EYS: variants seen among roughly 807,000 people sequenced by gnomAD.
EYS encodes the protein protein eyes shut homolog.
EYS carries 250 observed loss-of-function variants against 282.1 expected under a neutral mutation model. The ratio of observed to expected loss-of-function variants is 0.89; its 90% CI spans 0.80 to 0.98. The LOEUF (loss-of-function observed/expected upper bound fraction) is 0.98. Ranked by LOEUF, EYS falls within the 50% of genes least tolerant of loss-of-function variation. EYS has a pLI of 0.00. For missense variants in EYS, 4,016 were observed against 3,709.0 expected (o/e 1.08, Z -2.15); for synonymous variants, 1,355 against 1,282.9 (o/e 1.06, Z -1.20).
intron 29 of EYS, among the ~76,000 whole-genome samples, chr6:64,333,208 C>A (rs1370972738): frequency 3.3e-5 from 5 of 152,088 alleles, no homozygotes; most frequent in Admixed American, 2.6e-4. Flanking sequence ...GGTTTGAAGT[C>A]CAAATTGGTG....
At chr6:63,784,009 T>TCTTCCTGC (rs1770303715) in intron 39 of EYS, among the ~76,000 whole-genome samples, 1 of 152,212 alleles carries the variant, frequency 6.6e-6, no homozygotes, top group African/African-American at 2.4e-5. Flanking sequence ...AAGAGGGAAT[T>TCTTCCTGC]CTTCCTGCCT....
intron 35 of EYS, among the ~76,000 whole-genome samples, chr6:63,927,776 A>T (rs1764760829): frequency 6.6e-6 from 1 of 152,240 alleles, no homozygotes; most frequent in Non-Finnish European, 1.5e-5. Context: ...GACGCTGGGC[A>T]GCGGATACTT....
intron 2 of EYS, among the ~76,000 whole-genome samples, chr6:65,563,524 G>A (rs993604338): frequency 1.4e-4 from 22 of 151,758 alleles, no homozygotes; most frequent in Non-Finnish European, 2.9e-4. Context: ...TATCTCTTCG[G>A]AAATATATAA....
intron 14 of EYS, among the ~76,000 whole-genome samples, chr6:64,968,624 C>T (rs574379123): frequency 6.6e-6 from 1 of 152,112 alleles, no homozygotes; most frequent in South Asian, 2.1e-4. Context: ...TTACCTAGGA[C>T]CCTCAATTTG....
chr6:64,668,918 T>C (rs1430781623), intron 22 of EYS, among the ~76,000 whole-genome samples: 1 of 152,234 alleles, frequency 6.6e-6, no homozygotes, highest in East Asian at 1.9e-4. Context: ...CCATCATTTT[T>C]CCCAATTTAT....
intron 26 of EYS, among the ~76,000 whole-genome samples, chr6:64,545,194 T>C (rs1459548714): frequency 6.6e-6 from 1 of 152,270 alleles, no homozygotes; most frequent in South Asian, 2.1e-4. Flanking sequence ...GCTTCATCCC[T>C]GGGATGCAAG....
intron 35 of EYS, among the ~76,000 whole-genome samples, chr6:63,873,762 G>A (rs1772882246): frequency 2.0e-5 from 3 of 152,158 alleles, no homozygotes; most frequent in African/African-American, 4.8e-5. Context: ...CAGTGATGAT[G>A]AGCATTTTTT....
At chr6:65,502,136 A>G (rs1055996237) in intron 2 of EYS, among the ~76,000 whole-genome samples, 1 of 151,754 alleles carries the variant, frequency 6.6e-6, no homozygotes, top group African/African-American at 2.4e-5. Flanking sequence ...GCTTAAGTAT[A>G]TAAAAGTCAA....
At chr6:64,203,940 C>A (rs1765546323) in intron 31 of EYS, among the ~76,000 whole-genome samples, 1 of 152,110 alleles carries the variant, frequency 6.6e-6, no homozygotes, top group Non-Finnish European at 1.5e-5. Flanking sequence ...CCAATAATTA[C>A]AACTATCATT....
At chr6:64,433,832 A>G (rs12174632) in intron 28 of EYS, among the ~76,000 whole-genome samples, 42,082 of 151,882 alleles carry the variant, frequency 0.28, 5,956 homozygotes, top group East Asian at 0.46. Context: ...ATGTTTAGTA[A>G]AAACAATGAT....
chr6:64,677,881 G>A (rs1409238659), intron 22 of EYS, among the ~76,000 whole-genome samples: 1 of 151,402 alleles, frequency 6.6e-6, no homozygotes, highest in East Asian at 1.9e-4. Context: ...CTAAGAACAA[G>A]GAGTTGATAT....
chr6:63,756,022 A>T (rs1769471989), intron 41 of EYS, among the ~76,000 whole-genome samples: 1 of 152,078 alleles, frequency 6.6e-6, no homozygotes, highest in Admixed American at 6.6e-5. Flanking sequence ...GCTTAAGGAG[A>T]TTTTGGGCTG....
At chr6:64,529,029 T>C (rs765388316) in intron 26 of EYS, among the ~76,000 whole-genome samples, 34 of 152,074 alleles carry the variant, frequency 2.2e-4, no homozygotes, top group Non-Finnish European at 4.3e-4. Flanking sequence ...TTTTTGAATC[T>C]ATTAGATCCT....
intron 26 of EYS, among the ~76,000 whole-genome samples, chr6:64,514,280 G>T (rs1777496056): frequency 6.6e-6 from 1 of 151,808 alleles, no homozygotes; most frequent in Admixed American, 6.6e-5. Context: ...CAAGATGTCA[G>T]AAGATAGAAA....
At chr6:64,663,620 TA>T (rs1321931081) in intron 22 of EYS, among the ~76,000 whole-genome samples, 9 of 152,130 alleles carry the variant, frequency 5.9e-5, no homozygotes, top group Non-Finnish European at 1.2e-4. Flanking sequence ...CTCTCATGAG[TA>T]TTTAATTGCT....
intron 29 of EYS, among the ~76,000 whole-genome samples, chr6:64,330,669 T>A (rs1479312999): frequency 6.6e-6 from 1 of 152,180 alleles, no homozygotes; most frequent in African/African-American, 2.4e-5. Context: ...CACTGCCCTG[T>A]TAGCGCAAGA....
chr6:63,931,310 TC>T, intron 35 of EYS, among the ~76,000 whole-genome samples: 1 of 152,160 alleles, frequency 6.6e-6, no homozygotes, highest in East Asian at 1.9e-4. Flanking sequence ...TGTTACTCAC[TC>T]ACTCACTCAC....
chr6:65,102,517 C>A (rs181179480), intron 12 of EYS, among the ~76,000 whole-genome samples: 2 of 150,786 alleles, frequency 1.3e-5, no homozygotes, highest in South Asian at 2.1e-4. Flanking sequence ...AAACAATAGG[C>A]AAATATTTAT....
intron 31 of EYS, among the ~76,000 whole-genome samples, chr6:64,136,510 CA>C (rs1774165604): frequency 6.6e-6 from 1 of 152,040 alleles, no homozygotes; most frequent in South Asian, 2.1e-4. Flanking sequence ...TATAACCTTA[CA>C]AAATGTATTT....
Sources: gnomAD v4.1 joint callset for allele counts (sites outside exome capture counted in the v4.1 genomes callset) on GRCh38, gnomAD v4.1.1 for gene constraint, MANE v1.5 for transcripts, NCBI Gene and HGNC (gene_info 2026-07-23, HGNC 2026-07-21) for gene names.